Variants in MARCHF7 observed in about 807,000 individuals in gnomAD.
MARCHF7 encodes E3 ubiquitin-protein ligase MARCHF7.
A neutral mutation model predicts 76.5 loss-of-function variants in MARCHF7; 20 were observed. The ratio of observed to expected loss-of-function variants is 0.26; its 90% CI spans 0.18 to 0.38. The LOEUF (loss-of-function observed/expected upper bound fraction) is 0.38, where lower values mean the gene tolerates loss of function less well. Among genes scored for constraint, MARCHF7 ranks in the 10% least tolerant of loss-of-function variants. MARCHF7 has a pLI of 1.00. For synonymous variants in MARCHF7, 295 were observed against 293.0 expected, an observed-to-expected ratio of 1.01 and a Z score of -0.07; for missense variants, 797 against 812.9, an observed-to-expected ratio of 0.98 and a Z score of 0.24.
At chr2:159,726,349 G>A (rs920470284) in intron 3 of MARCHF7, among the ~76,000 whole-genome samples, 4 of 152,038 alleles carry the variant, frequency 2.6e-5, no homozygotes, top group East Asian at 1.9e-4. Context: ...TGCAAGCTCC[G>A]CCTCCCGGGT....
At chr2:159,738,087 C>T (rs1484562478) in intron 4 of MARCHF7, among the ~76,000 whole-genome samples, 2 of 152,136 alleles carry the variant, frequency 1.3e-5, no homozygotes, top group East Asian at 1.9e-4. Context: ...GGCAAGTGAG[C>T]GCAGGGTCCG....
chr2:159,719,742 T>C (rs1414709054), intron 3 of MARCHF7, among the ~76,000 whole-genome samples: 1 of 152,200 alleles, frequency 6.6e-6, no homozygotes, highest in African/African-American at 2.4e-5. Flanking sequence ...CTCTTGGTAA[T>C]GGGGTGATTT....
chr2:159,734,216 TG>T, intron 4 of MARCHF7: 1 of 774,876 alleles, frequency 1.3e-6, no homozygotes, highest in African/African-American at 1.8e-5. Context: ...ATCTGTTTAG[TG>T]TTTGTTCTGT....
intron 1 of MARCHF7, among the ~76,000 whole-genome samples, chr2:159,714,132 C>T (rs1296897388): frequency 6.6e-6 from 1 of 152,122 alleles, no homozygotes; most frequent in Admixed American, 6.5e-5. Context: ...ATTTTTAGTC[C>T]GCTCCATACC....
chr2:159,757,115 G>A (rs554309796), intron 8 of MARCHF7, among the ~76,000 whole-genome samples: 12 of 152,194 alleles, frequency 7.9e-5, no homozygotes, highest in Admixed American at 2.0e-4. Flanking sequence ...GGCTGATCTC[G>A]AACTCCTTGC....
intron 7 of MARCHF7, among the ~76,000 whole-genome samples, chr2:159,750,701 A>T (rs934208520): frequency 6.6e-6 from 1 of 152,228 alleles, no homozygotes; most frequent in Non-Finnish European, 1.5e-5. Flanking sequence ...TAGTCTAATT[A>T]CTTAGTATTA....
At chr2:159,762,059 T>C (rs1468245746) in intron 9 of MARCHF7, among the ~76,000 whole-genome samples, 1 of 152,190 alleles carries the variant, frequency 6.6e-6, no homozygotes, top group African/African-American at 2.4e-5. Flanking sequence ...GACTAACTAG[T>C]GCCAAGTAGC....
At chr2:159,749,550 A>G (rs994821065) in intron 7 of MARCHF7, among the ~76,000 whole-genome samples, 1 of 149,050 alleles carries the variant, frequency 6.7e-6, no homozygotes, top group Non-Finnish European at 1.5e-5. Flanking sequence ...GTTTCACCAC[A>G]TTGGCCAGGC....
In MARCHF7 at chr2:159,743,229, G is replaced by A; in HGVS notation, c.322G>A (p.Gly108Arg). The change falls in exon 5 of 12, where the codon GGA becomes AGA. Residue 108 changes from glycine (G) to arginine (R), a missense_variant. By Grantham distance (125) the Gly-to-Arg change is moderately radical. Transcript: ENST00000409175. The part of the protein sequence containing the change: ...NCTTSAGRNV[G>R]NGLNTLSDSS... Reference sequence around the variant, plus strand: ...TACTACCTCAGCTGGGAGAAATGTTGGAAATGGTTTAAACACATTATCAGG... The same window carrying A: ...TACTACCTCAGCTGGGAGAAATGTTAGAAATGGTTTAAACACATTATCAGG... 6.2e-7 allele frequency: 1 copy of A among 1,613,882 alleles called. No individual in the cohort carries two copies. Among genetic ancestry groups the A allele is most frequent in the Non-Finnish European group, 8.5e-7 (1 of 1,179,928 alleles).
At chr2:159,762,724 CT>C (rs573277395) in intron 9 of MARCHF7, among the ~76,000 whole-genome samples, 155 bp from the exon 10 acceptor site, 108 of 152,212 alleles carry the variant, frequency 7.1e-4, no homozygotes, top group African/African-American at 2.3e-3. Context: ...TAAAGATATT[CT>C]TTTTTTCTCA....
intron 3 of MARCHF7, among the ~76,000 whole-genome samples, chr2:159,720,164 T>A (rs1190629341): frequency 1.3e-5 from 2 of 152,156 alleles, no homozygotes; most frequent in Non-Finnish European, 2.9e-5. Flanking sequence ...GAGCTAGGAT[T>A]ACAGGAACGC....
intron 11 of MARCHF7, among the ~76,000 whole-genome samples, chr2:159,766,655 C>T (rs990350469): frequency 6.6e-6 from 1 of 152,070 alleles, no homozygotes; most frequent in African/African-American, 2.4e-5. Context: ...AGAAATGTTG[C>T]AAAAGTGGTA....
chr2:159,760,700 G>A (rs112111615), intron 9 of MARCHF7, among the ~76,000 whole-genome samples: 1 of 127,486 alleles, frequency 7.8e-6, no homozygotes, highest in Non-Finnish European at 1.7e-5. Context: ...CTCAAAGGCA[G>A]TTTTTTCCTT....
intron 4 of MARCHF7, among the ~76,000 whole-genome samples, chr2:159,741,316 A>C (rs1704093548): frequency 6.6e-6 from 1 of 152,152 alleles, no homozygotes; most frequent in Non-Finnish European, 1.5e-5. Flanking sequence ...GTGCCACTGC[A>C]CTCCAGCCTG....
chr2:159,724,974 T>C (rs934516538), intron 3 of MARCHF7, among the ~76,000 whole-genome samples: 11 of 152,182 alleles, frequency 7.2e-5, no homozygotes, highest in African/African-American at 2.7e-4. Context: ...AGAATGATGG[T>C]TTCCAGCTTC....
intron 11 of MARCHF7, among the ~76,000 whole-genome samples, chr2:159,765,807 G>A (rs1560032202): frequency 6.6e-6 from 1 of 152,156 alleles, no homozygotes; most frequent in Non-Finnish European, 1.5e-5. Flanking sequence ...ATTAGGATAT[G>A]TGAAAAGAAA....
At chr2:159,760,235 T>C (rs1706868130) in intron 9 of MARCHF7, among the ~76,000 whole-genome samples, 1 of 152,190 alleles carries the variant, frequency 6.6e-6, no homozygotes, top group South Asian at 2.1e-4. Flanking sequence ...CCACTTTTTT[T>C]TAAATGTGGG....
intron 9 of MARCHF7, among the ~76,000 whole-genome samples, chr2:159,762,346 C>G (rs896871145): frequency 6.6e-6 from 1 of 152,176 alleles, no homozygotes; most frequent in Non-Finnish European, 1.5e-5. Context: ...TAGGTTAACA[C>G]AACAGAACAG....
At chr2:159,719,730 A>G (rs1289740760) in intron 3 of MARCHF7, among the ~76,000 whole-genome samples, 2 of 151,896 alleles carry the variant, frequency 1.3e-5, no homozygotes, top group East Asian at 3.9e-4. Flanking sequence ...CTGCCATTTT[A>G]TCTCTTGGTA....
Sources: allele counts gnomAD v4.1 joint callset (sites outside exome capture counted in the v4.1 genomes callset), GRCh38; gene constraint gnomAD v4.1.1; transcripts MANE v1.5; gene names NCBI Gene and HGNC (gene_info 2026-07-23, HGNC 2026-07-21).